The following ATRNL1 variants were observed in gnomAD, a reference collection of about 807,000 sequenced individuals.
ATRNL1 encodes attractin like 1, also known as attractin-like protein 1.
ATRNL1 carries 95 observed loss-of-function variants against 182.7 expected under a neutral mutation model. That is an observed-to-expected ratio of 0.52 (90% CI 0.44 to 0.62). ATRNL1 has a LOEUF of 0.62. Among genes scored for constraint, ATRNL1 ranks in the 20% least tolerant of loss-of-function variants. The probability of loss-of-function intolerance (pLI) is 0.00; values close to 1 mark genes in which losing one functional copy is unlikely to be tolerated. For missense variants in ATRNL1, 1,471 were observed against 1,679.5 expected (o/e 0.88, Z 2.17); for synonymous variants, 576 against 568.3 (o/e 1.01, Z -0.19).
intron 8 of ATRNL1, among the ~76,000 whole-genome samples, chr10:115,211,834 T>G (rs1203889036): frequency 6.7e-6 from 1 of 150,044 alleles, no homozygotes; most frequent in Non-Finnish European, 1.5e-5. Context: ...ATCGTTCAAT[T>G]CCCACCTATG....
chr10:115,770,190 T>C (rs1339234006), intron 27 of ATRNL1, among the ~76,000 whole-genome samples: 2 of 152,056 alleles, frequency 1.3e-5, no homozygotes, highest in African/African-American at 4.8e-5. Flanking sequence ...AGCACAATAA[T>C]GTATGCTATC....
intron 24 of ATRNL1, among the ~76,000 whole-genome samples, chr10:115,514,669 C>T (rs577534877): frequency 6.6e-6 from 1 of 151,950 alleles, no homozygotes; most frequent in Admixed American, 6.6e-5. Flanking sequence ...TGGTTACTCC[C>T]ACTACTTATA....
intron 19 of ATRNL1, among the ~76,000 whole-genome samples, chr10:115,392,222 C>CT (rs1286291718): frequency 6.6e-6 from 1 of 151,998 alleles, no homozygotes; most frequent in Admixed American, 6.6e-5. Flanking sequence ...ATAAGCAGTA[C>CT]TTTTTTTCAG....
intron 27 of ATRNL1, among the ~76,000 whole-genome samples, chr10:115,842,127 CAT>C (rs35444222): frequency 0.47 from 71,968 of 151,658 alleles, 18,542 homozygotes; most frequent in East Asian, 0.76. Context: ...ATATTTCACT[CAT>C]ATATCAGATT....
chr10:115,720,512 T>A (rs1327855288), intron 26 of ATRNL1, among the ~76,000 whole-genome samples: 3 of 152,220 alleles, frequency 2.0e-5, no homozygotes, highest in Non-Finnish European at 4.4e-5. Context: ...ATGATGGTGA[T>A]GCTATCAGGT....
intron 26 of ATRNL1, among the ~76,000 whole-genome samples, chr10:115,667,800 G>A (rs1229293204): frequency 6.6e-6 from 1 of 151,952 alleles, no homozygotes; most frequent in African/African-American, 2.4e-5. Flanking sequence ...GGGACTACAG[G>A]TGTGGGCTAC....
At chr10:115,140,863 T>C (rs1271824776) in intron 5 of ATRNL1, among the ~76,000 whole-genome samples, 1 of 152,164 alleles carries the variant, frequency 6.6e-6, no homozygotes, top group Non-Finnish European at 1.5e-5. Flanking sequence ...AAAGTCACAC[T>C]TTATTGTAAC....
intron 20 of ATRNL1, among the ~76,000 whole-genome samples, chr10:115,413,656 T>C (rs113147198): frequency 1.6e-4 from 24 of 152,276 alleles, no homozygotes; most frequent in African/African-American, 5.5e-4. Context: ...GCTAGCTCTT[T>C]TGTTTATGTG....
intron 9 of ATRNL1, among the ~76,000 whole-genome samples, chr10:115,240,125 T>A (rs1850355455): frequency 6.6e-6 from 1 of 152,170 alleles, no homozygotes; most frequent in Admixed American, 6.5e-5. Context: ...TTGGTGTTGC[T>A]CTTAGCAAAA....
chr10:115,281,325 G>A, intron 13 of ATRNL1, 30 bp from the exon 14 acceptor site: 1 of 1,597,420 alleles, frequency 6.3e-7, no homozygotes, highest in Non-Finnish European at 8.5e-7. Flanking sequence ...GTACAAAGGT[G>A]AAAAATAACA....
chr10:115,910,883 A>G (rs1952654454), intron 28 of ATRNL1, among the ~76,000 whole-genome samples: 2 of 152,164 alleles, frequency 1.3e-5, no homozygotes, highest in South Asian at 2.1e-4. Flanking sequence ...CAAAACTTCT[A>G]CTAAAATGCA....
At chr10:115,428,191 T>G (rs577503466) in intron 21 of ATRNL1, among the ~76,000 whole-genome samples, 1 of 152,234 alleles carries the variant, frequency 6.6e-6, no homozygotes, top group African/African-American at 2.4e-5. Context: ...GCTTAAAATA[T>G]TTCATTCCTG....
intron 9 of ATRNL1, among the ~76,000 whole-genome samples, chr10:115,220,645 T>C (rs1023327281): frequency 1.4e-5 from 2 of 144,492 alleles, no homozygotes; most frequent in Admixed American, 7.6e-5. Context: ...AAGGTTTGTT[T>C]GTGGGCTTAC....
intron 6 of ATRNL1, among the ~76,000 whole-genome samples, chr10:115,162,148 C>CA (rs61094740): frequency 0.11 from 15,135 of 138,300 alleles, 2,372 homozygotes; most frequent in African/African-American, 0.35. Context: ...CTGGCAATGA[C>CA]AAAAAAAAAA....
At chr10:115,709,358 A>G (rs1381524776) in intron 26 of ATRNL1, among the ~76,000 whole-genome samples, 3 of 151,922 alleles carry the variant, frequency 2.0e-5, no homozygotes, top group Non-Finnish European at 2.9e-5. Context: ...TATGTAATGA[A>G]GAGCAAATAT....
At chr10:115,361,993 AT>A in intron 19 of ATRNL1, among the ~76,000 whole-genome samples, 1 of 152,074 alleles carries the variant, frequency 6.6e-6, no homozygotes, top group Non-Finnish European at 1.5e-5. Context: ...CCACTCTTTA[AT>A]ATAGGCAAGT....
In ATRNL1 at chr10:115,254,148, C is replaced by T. The variant is rs1002131892; in HGVS notation, c.1688-11045C>T. ...TGATTTATAATCCTTTGGGTATATA[C>T]CCAGTAATGGGATTGCTGGGTCAAA... On this transcript the variant is annotated intron_variant, in intron 10 of 28. Transcript: ENST00000355044. Among the ~76,000 whole-genome samples the T allele has an allele frequency of 4.6e-5, 7 of 152,160 alleles. No individual in the cohort carries two copies. The South Asian group carries it at 1.0e-3, about 22-fold the overall frequency.
At chr10:115,578,335 T>C (rs1384783345) in intron 26 of ATRNL1, among the ~76,000 whole-genome samples, 1 of 151,810 alleles carries the variant, frequency 6.6e-6, no homozygotes, top group African/African-American at 2.4e-5. Context: ...GGATATTAAT[T>C]CTTCTTTTAA....
chr10:115,571,605 T>C (rs571541471), intron 26 of ATRNL1, among the ~76,000 whole-genome samples: 3 of 152,290 alleles, frequency 2.0e-5, no homozygotes, highest in South Asian at 2.1e-4. Context: ...GCTTGTGTAA[T>C]TTTGTTATGT....
Sources: gnomAD v4.1 joint callset for allele counts (sites outside exome capture counted in the v4.1 genomes callset) on GRCh38, gnomAD v4.1.1 for gene constraint, MANE v1.5 for transcripts, NCBI Gene and HGNC (gene_info 2026-07-23, HGNC 2026-07-21) for gene names.